ZNF532: variants seen among roughly 807,000 people sequenced by gnomAD.
ZNF532 encodes zinc finger protein 532.
A neutral mutation model predicts 89.3 loss-of-function variants in ZNF532; 22 were observed. The ratio of observed to expected loss-of-function variants is 0.25; its 90% CI spans 0.18 to 0.35. The LOEUF is 0.35. Among genes scored for constraint, ZNF532 ranks in the 10% least tolerant of loss-of-function variants. ZNF532 has a pLI of 1.00. For missense variants in ZNF532, 1,132 were observed against 1,643.4 expected, an observed-to-expected ratio of 0.69 and a Z score of 5.38; for synonymous variants, 606 against 649.6, an observed-to-expected ratio of 0.93 and a Z score of 1.02.
In ZNF532 at chr18:58,981,591, G is replaced by T; in HGVS notation, c.3385G>T (p.Glu1129Ter). 6.2e-7 allele frequency: 1 copy of T among 1,614,176 alleles called. No homozygotes were observed. Among genetic ancestry groups the T allele is most frequent in the Non-Finnish European group, 8.5e-7 (1 of 1,180,018 alleles). Residue 1129 changes from glutamate to a stop codon, truncating the protein, a stop_gained, in exon 9 of 10, where the codon GAA (glutamate) becomes TAA (stop). Transcript: ENST00000591808. LOFTEE classifies it high-confidence loss of function. ...AATGACAGATGCCACCAATGAGGAG[G>T]AAACAGAAATAAAAGAAGACACTAA... ...KEMTDATNEE[E>*]TEIKEDTKVP...
intron 7 of ZNF532, among the ~76,000 whole-genome samples, chr18:58,954,976 A>T (rs377757208): frequency 6.6e-6 from 1 of 152,166 alleles, no homozygotes; most frequent in Non-Finnish European, 1.5e-5. Flanking sequence ...TGGCCTCCCA[A>T]AGTGCTGGAT....
At chr18:58,924,170 A>AT (rs2146212728) in intron 3 of ZNF532, among the ~76,000 whole-genome samples, 1 of 152,284 alleles carries the variant, frequency 6.6e-6, no homozygotes, top group Admixed American at 6.5e-5. Context: ...CATTCCATGT[A>AT]TTTTAACACT....
rs1555708897 is a variant in ZNF532, at chr18:58,888,715, A to ATT, written c.-18+23137_-18+23138insTT. Among the ~76,000 whole-genome samples, 140 of 46,730 alleles carry ATT rather than the reference A, an allele frequency of 3.0e-3. 5 individuals carry two copies. The highest frequency in any genetic ancestry group is 5.1e-3 in the South Asian group (6 of 1,180). 30.7% of individuals were successfully genotyped at this position (46,730 alleles called of 152,430 possible). ...AAAAAAATTATATATATATATATAT[A>ATT]TATATATATAAATTATATATATATA... On this transcript the variant is annotated intron_variant, in intron 2 of 9. Coordinates refer to ENST00000591808, the MANE Select transcript of ZNF532 (RefSeq NM_001375912.1).
chr18:58,885,876 T>G (rs1003469570), intron 2 of ZNF532, among the ~76,000 whole-genome samples: 1 of 151,048 alleles, frequency 6.6e-6, no homozygotes, highest in Admixed American at 6.6e-5. Flanking sequence ...AAGTAGAGAG[T>G]AAAAGCTCAA....
chr18:58,959,246 GTTTTTTGTTTTTTGTTT>G (rs2065082990), intron 7 of ZNF532, among the ~76,000 whole-genome samples: 1 of 115,370 alleles, frequency 8.7e-6, no homozygotes, highest in Non-Finnish European at 1.8e-5. Flanking sequence ...GATCTTTTCA[GTTTTTTGTTTTTTGTTT>G]TTTTTTGTTT....
chr18:58,896,254 T>A (rs2059242686), intron 2 of ZNF532, among the ~76,000 whole-genome samples: 1 of 152,142 alleles, frequency 6.6e-6, no homozygotes, highest in Non-Finnish European at 1.5e-5. Context: ...ATATTTGTCA[T>A]CTTAACCATA....
intron 2 of ZNF532, among the ~76,000 whole-genome samples, chr18:58,899,559 C>A (rs2059467749): frequency 6.6e-6 from 1 of 152,116 alleles, no homozygotes; most frequent in African/African-American, 2.4e-5. Flanking sequence ...ACCTCTGCCT[C>A]CCGGGTTCAA....
At chr18:58,881,996 C>T (rs1385559067) in intron 2 of ZNF532, among the ~76,000 whole-genome samples, 1 of 152,050 alleles carries the variant, frequency 6.6e-6, no homozygotes, top group African/African-American at 2.4e-5. Flanking sequence ...CTTGCTCCGT[C>T]TCTTAGGCTG....
chr18:58,930,268 C>A (rs755390744), intron 3 of ZNF532, among the ~76,000 whole-genome samples: 2 of 152,130 alleles, frequency 1.3e-5, no homozygotes, highest in Admixed American at 6.6e-5. Flanking sequence ...ACCTGGTTCC[C>A]CCTTCCCTGT....
At chr18:58,942,396 TTC>T (rs2063264987) in intron 5 of ZNF532, among the ~76,000 whole-genome samples, 1 of 138,862 alleles carries the variant, frequency 7.2e-6, no homozygotes, top group Non-Finnish European at 1.5e-5. Context: ...CCTTCCTTCC[TTC>T]CTTCCTTCCT....
chr18:58,917,548 C>T (rs2060693149), intron 2 of ZNF532, among the ~76,000 whole-genome samples: 2 of 152,180 alleles, frequency 1.3e-5, no homozygotes, highest in Admixed American at 1.3e-4. Flanking sequence ...TCAAGCACTG[C>T]ATGTATTCAT....
chr18:58,885,362 T>A (rs1393494055), intron 2 of ZNF532, among the ~76,000 whole-genome samples: 6 of 152,184 alleles, frequency 3.9e-5, no homozygotes, highest in Non-Finnish European at 7.3e-5. Flanking sequence ...TGTACAAAAG[T>A]ACCTTTGACA....
chr18:58,896,133 G>A (rs980768741), intron 2 of ZNF532, among the ~76,000 whole-genome samples: 3 of 152,230 alleles, frequency 2.0e-5, no homozygotes, highest in African/African-American at 4.8e-5. Context: ...AATTATGGGC[G>A]TCACCCAGCC....
At chr18:58,896,191 A>G (rs1183757077) in intron 2 of ZNF532, among the ~76,000 whole-genome samples, 2 of 152,126 alleles carry the variant, frequency 1.3e-5, no homozygotes, top group Non-Finnish European at 2.9e-5. Flanking sequence ...TGTTAAATCT[A>G]GCAGTGTTTG....
At chr18:58,881,384 C>T (rs62093549) in intron 2 of ZNF532, among the ~76,000 whole-genome samples, 28,070 of 152,098 alleles carry the variant, frequency 0.18, 2,929 homozygotes, top group Middle Eastern at 0.3. Context: ...GATCCTGCCT[C>T]GGCCTCCCAA....
chr18:58,939,366 T>A (rs2062786643), intron 4 of ZNF532, 79 bp from the exon 5 acceptor site: 3 of 1,272,816 alleles, frequency 2.4e-6, no homozygotes, highest in Admixed American at 4.6e-5. Flanking sequence ...TATGAAAGTG[T>A]GTTCATCTCA....
chr18:58,942,365 T>TCCTTCCTTCCTC (rs1568383661), intron 5 of ZNF532, among the ~76,000 whole-genome samples: 1 of 77,448 alleles, frequency 1.3e-5, no homozygotes, highest in Non-Finnish European at 2.1e-5. Context: ...CTTCCTTCCT[T>TCCTTCCTTCCTC]CCTTCCTTCC....
chr18:58,868,534 C>T (rs185261705), intron 2 of ZNF532, among the ~76,000 whole-genome samples: 6 of 152,272 alleles, frequency 3.9e-5, no homozygotes, highest in Admixed American at 1.3e-4. Flanking sequence ...ATGGTTCTCT[C>T]GTCCTAGAGT....
At chr18:58,905,550 C>G (rs1054469025) in intron 2 of ZNF532, among the ~76,000 whole-genome samples, 1 of 152,070 alleles carries the variant, frequency 6.6e-6, no homozygotes, top group Non-Finnish European at 1.5e-5. Flanking sequence ...TAGGTGTGCT[C>G]CACCACGCCC....
Sources: allele counts gnomAD v4.1 joint callset (sites outside exome capture counted in the v4.1 genomes callset), GRCh38; gene constraint gnomAD v4.1.1; transcripts MANE v1.5; gene names NCBI Gene and HGNC (gene_info 2026-07-23, HGNC 2026-07-21).